KAT6B: variants seen among roughly 807,000 people sequenced by gnomAD.
The protein encoded by KAT6B is lysine acetyltransferase 6B, also known as histone acetyltransferase KAT6B.
In KAT6B, 10 loss-of-function variants were observed where a neutral mutation model predicts 187.5. The ratio of observed to expected loss-of-function variants is 0.05; its 90% CI spans 0.03 to 0.09. The LOEUF is 0.09. KAT6B is among the 10% of genes least tolerant of loss of function. KAT6B has a pLI of 1.00. For synonymous variants in KAT6B, 861 were observed against 926.8 expected, an observed-to-expected ratio of 0.93 and a Z score of 1.29; for missense variants, 1,952 against 2,558.9, an observed-to-expected ratio of 0.76 and a Z score of 5.12.
intron 3 of KAT6B, among the ~76,000 whole-genome samples, chr10:74,882,985 GTA>G (rs1265684191): frequency 6.6e-6 from 1 of 152,000 alleles, no homozygotes; most frequent in Non-Finnish European, 1.5e-5. Context: ...GTGAATAATA[GTA>G]TATATATATG....
chr10:74,993,879 G>A (rs1201597183), intron 13 of KAT6B, among the ~76,000 whole-genome samples: 1 of 152,132 alleles, frequency 6.6e-6, no homozygotes, highest in Non-Finnish European at 1.5e-5. Context: ...GTCCTTCCCA[G>A]TGCATTTCAT....
chr10:74,834,652 G>A (rs533771127), intron 1 of KAT6B, among the ~76,000 whole-genome samples: 2 of 152,266 alleles, frequency 1.3e-5, no homozygotes, highest in Non-Finnish European at 2.9e-5. Flanking sequence ...CTCCCGAGTA[G>A]CTGGGTCTAC....
intron 3 of KAT6B, among the ~76,000 whole-genome samples, chr10:74,919,532 C>T (rs1847958382): frequency 6.6e-6 from 1 of 152,110 alleles, no homozygotes; most frequent in African/African-American, 2.4e-5. Flanking sequence ...TCCCGAGCAG[C>T]TGGGATTACA....
At chr10:74,946,713 A>G (rs1474834204) in intron 3 of KAT6B, among the ~76,000 whole-genome samples, 2 of 152,158 alleles carry the variant, frequency 1.3e-5, no homozygotes, top group Non-Finnish European at 2.9e-5. Context: ...CAGATTTGTG[A>G]TTGCTTAGGA....
At chr10:74,865,847 C>T (rs1293423294) in intron 3 of KAT6B, among the ~76,000 whole-genome samples, 2 of 152,178 alleles carry the variant, frequency 1.3e-5, no homozygotes, top group Non-Finnish European at 2.9e-5. Context: ...CTTGCTTTCA[C>T]ATTACCGCAC....
chr10:74,882,517 T>C (rs1844923721), intron 3 of KAT6B, among the ~76,000 whole-genome samples: 1 of 152,264 alleles, frequency 6.6e-6, no homozygotes, highest in Non-Finnish European at 1.5e-5. Context: ...TATAATAAGT[T>C]GTTTCACCTT....
At chr10:74,945,373 G>T (rs1257283567) in intron 3 of KAT6B, among the ~76,000 whole-genome samples, 1 of 152,194 alleles carries the variant, frequency 6.6e-6, no homozygotes, top group Non-Finnish European at 1.5e-5. Flanking sequence ...AAAGGGAAGA[G>T]AATGCAGGAA....
chr10:74,983,936 TC>T (rs1842672164), intron 11 of KAT6B: 1 of 152,202 alleles, frequency 6.6e-6, no homozygotes, highest in African/African-American at 2.4e-5. Context: ...TTTCTGGCCT[TC>T]CCTTTCTTTA....
In KAT6B at chr10:75,029,916, G is replaced by A. The variant is rs774402480; in HGVS notation, c.5092G>A (p.Gly1698Ser). 19 of 1,614,072 alleles carry A rather than the reference G, an allele frequency of 1.2e-5. No homozygotes were observed. Among genetic ancestry groups the A allele is most frequent in the East Asian group, 4.5e-5 (2 of 44,900 alleles). ...STMGGSICGN[G>S]SSQNSCSYSN... ...TATGGGAGGCAGCATCTGTGGAAAC[G>A]GCTCTTCACAGAACAGCTGCTCCTA... Residue 1698 changes from glycine to serine, a missense_variant, in exon 18 of 18, where the codon GGC becomes AGC. By Grantham distance (56) the Gly-to-Ser change is moderately conservative. Transcript: ENST00000287239. This position sits in a 1 kb window ranked among gnomAD's most constrained non-coding sequence, Gnocchi z 6.2.
chr10:74,881,308 G>T (rs1472774758), intron 3 of KAT6B, among the ~76,000 whole-genome samples: 1 of 152,186 alleles, frequency 6.6e-6, no homozygotes, highest in Admixed American at 6.5e-5. Context: ...AGATTTGGGG[G>T]TTATAAGGAT....
intron 1 of KAT6B, among the ~76,000 whole-genome samples, chr10:74,829,815 A>C (rs1840603181): frequency 6.6e-6 from 1 of 150,978 alleles, no homozygotes; most frequent in Non-Finnish European, 1.5e-5. Flanking sequence ...TCAAGAAATC[A>C]AGACCATCCT....
chr10:74,885,532 A>G (rs1845176106), intron 3 of KAT6B, among the ~76,000 whole-genome samples: 1 of 152,222 alleles, frequency 6.6e-6, no homozygotes, highest in African/African-American at 2.4e-5. Flanking sequence ...AAACTTAAAT[A>G]TGCTAGATAT....
At chr10:74,963,980 A>AG (rs1219871181) in intron 4 of KAT6B, among the ~76,000 whole-genome samples, 4 of 152,038 alleles carry the variant, frequency 2.6e-5, no homozygotes, top group African/African-American at 9.7e-5. Context: ...GAAAAAAAAA[A>AG]AATTAGCCGG....
intron 3 of KAT6B, among the ~76,000 whole-genome samples, chr10:74,928,548 C>G (rs1848651711): frequency 1.3e-5 from 2 of 152,200 alleles, no homozygotes; most frequent in Middle Eastern, 6.8e-3. Flanking sequence ...ATAATATTTT[C>G]TATTTCATCA....
chr10:75,012,911 A>G (rs1406790061), intron 13 of KAT6B, among the ~76,000 whole-genome samples: 9 of 152,164 alleles, frequency 5.9e-5, no homozygotes, highest in Admixed American at 5.9e-4. Context: ...AATGGACTTG[A>G]AAGGATGGGG....
At chr10:74,993,364 T>C (rs543164678) in intron 13 of KAT6B, among the ~76,000 whole-genome samples, 18 of 152,328 alleles carry the variant, frequency 1.2e-4, no homozygotes, top group African/African-American at 4.3e-4. Flanking sequence ...TTTTATCACA[T>C]CTGTTTTCTG....
At chr10:74,919,801 T>C (rs1173823598) in intron 3 of KAT6B, among the ~76,000 whole-genome samples, 2 of 152,214 alleles carry the variant, frequency 1.3e-5, no homozygotes, top group African/African-American at 4.8e-5. Context: ...TTTGTGTTTT[T>C]CTTCTTTTTC....
chr10:74,959,948 T>C (rs1386121543), intron 3 of KAT6B, 22 bp from the exon 4 acceptor site: 8 of 1,487,022 alleles, frequency 5.4e-6, no homozygotes, highest in Non-Finnish European at 7.5e-6. Context: ...TGACAGTATT[T>C]TTTATTTTAA....
At chr10:74,881,256 G>T (rs937356992) in intron 3 of KAT6B, among the ~76,000 whole-genome samples, 2 of 152,048 alleles carry the variant, frequency 1.3e-5, no homozygotes, top group Non-Finnish European at 2.9e-5. Context: ...ATGCCCTGTT[G>T]GTTTTATAGT....
Sources: gnomAD v4.1 joint callset for allele counts (sites outside exome capture counted in the v4.1 genomes callset) on GRCh38, gnomAD v4.1.1 for gene constraint, Gnocchi (gnomAD v3.1) non-coding constraint, MANE v1.5 for transcripts, NCBI Gene and HGNC (gene_info 2026-07-23, HGNC 2026-07-21) for gene names.